The following RIC8B variants were observed in gnomAD, a reference collection of about 807,000 sequenced individuals.
RIC8B encodes RIC8 guanine nucleotide exchange factor B.
In RIC8B, 16 loss-of-function variants were observed where a neutral mutation model predicts 57.5. The observed-to-expected ratio is 0.28, with a 90% CI of 0.19 to 0.42. The LOEUF (loss-of-function observed/expected upper bound fraction) is 0.42. Among genes scored for constraint, RIC8B ranks in the 10% least tolerant of loss-of-function variants. The probability of loss-of-function intolerance (pLI) is 1.00; values close to 1 mark genes in which losing one functional copy is unlikely to be tolerated. For synonymous variants in RIC8B, 216 were observed against 250.8 expected (o/e 0.86, Z 1.31); for missense variants, 481 against 677.0 (o/e 0.71, Z 3.21).
intron 7 of RIC8B, among the ~76,000 whole-genome samples, chr12:106,859,046 G>A (rs1001477225): frequency 1.3e-5 from 2 of 151,654 alleles, no homozygotes; most frequent in Non-Finnish European, 2.9e-5. Context: ...TGTCTTTTTT[G>A]AGGTAAGTGA....
rs1949071997 is a variant in RIC8B at position 106,843,910 on chromosome 12, G to A, written c.1124G>A (p.Arg375Gln). ...CTCAGCTTATTAACCGAATGTTCCC[G>A]AGCCCATCGAAACATCCGAAAATTT... ...PVLSLLTECS[R>Q]AHRNIRKFLK... Residue 375 changes from arginine to glutamine, a missense_variant, in exon 6 of 10, where the codon CGA (arginine) becomes CAA (glutamine). By Grantham distance (43) the Arg-to-Gln change is conservative (BLOSUM62 1). Transcript: ENST00000392837. 6.2e-7 allele frequency: 1 copy of A among 1,613,500 alleles called. No homozygotes were observed. The highest frequency in any genetic ancestry group is 8.5e-7 in the Non-Finnish European group (1 of 1,179,868).
chr12:106,814,495 A>G (rs1276419794), intron 2 of RIC8B, among the ~76,000 whole-genome samples: 1 of 152,214 alleles, frequency 6.6e-6, no homozygotes, highest in Non-Finnish European at 1.5e-5. Flanking sequence ...TGGGAAGGGA[A>G]CAGCTATGAT....
chr12:106,807,899 A>C (rs2045118304), intron 2 of RIC8B, among the ~76,000 whole-genome samples: 1 of 152,184 alleles, frequency 6.6e-6, no homozygotes, highest in African/African-American at 2.4e-5. Context: ...CAGCCTGGCC[A>C]ACATGGTTAA....
intron 4 of RIC8B, among the ~76,000 whole-genome samples, chr12:106,838,807 A>G (rs2046733502): frequency 6.6e-6 from 1 of 151,572 alleles, no homozygotes; most frequent in African/African-American, 2.4e-5. Flanking sequence ...TCTAAAACCT[A>G]TTAAAAAACT....
intron 9 of RIC8B, among the ~76,000 whole-genome samples, chr12:106,885,380 G>A (rs1419492533): frequency 6.6e-6 from 1 of 152,044 alleles, no homozygotes; most frequent in African/African-American, 2.4e-5. Flanking sequence ...GAGAGAGTTG[G>A]GGAAGGCCAA....
intron 4 of RIC8B, among the ~76,000 whole-genome samples, chr12:106,841,503 T>G (rs1948946772): frequency 6.6e-6 from 1 of 152,180 alleles, no homozygotes; most frequent in Non-Finnish European, 1.5e-5. Flanking sequence ...GTCACTATAA[T>G]CTAAAGTAGA....
At chr12:106,858,703 T>G (rs73399331) in intron 7 of RIC8B, among the ~76,000 whole-genome samples, 16,787 of 152,020 alleles carry the variant, frequency 0.11, 1,073 homozygotes, top group Middle Eastern at 0.16. Flanking sequence ...AGATTGAAAA[T>G]GACTAGTTTC....
At chr12:106,859,574 T>G (rs562373786) in intron 7 of RIC8B, among the ~76,000 whole-genome samples, 1 of 152,066 alleles carries the variant, frequency 6.6e-6, no homozygotes, top group Admixed American at 6.5e-5. Flanking sequence ...GTGAGGTAGA[T>G]AGTTACTATT....
At chr12:106,828,942 G>A (rs1420322637) in intron 4 of RIC8B, among the ~76,000 whole-genome samples, 3 of 152,050 alleles carry the variant, frequency 2.0e-5, no homozygotes, top group African/African-American at 7.2e-5. Context: ...GCCTATAAAG[G>A]TGCTTTAGGA....
intron 1 of RIC8B, among the ~76,000 whole-genome samples, chr12:106,777,482 G>A (rs11113113): frequency 0.02 from 3,019 of 152,250 alleles, 98 homozygotes; most frequent in African/African-American, 0.068. Flanking sequence ...GGTGATTATA[G>A]GGCATTGAGG....
At chr12:106,818,107 G>C (rs1029872750) in intron 3 of RIC8B, among the ~76,000 whole-genome samples, 1 of 151,794 alleles carries the variant, frequency 6.6e-6, no homozygotes, top group Admixed American at 6.6e-5. Context: ...CAAGGAAAAA[G>C]GCATATAAGC....
chr12:106,805,565 C>T (rs1312074380), intron 2 of RIC8B, among the ~76,000 whole-genome samples: 1 of 152,156 alleles, frequency 6.6e-6, no homozygotes, highest in Non-Finnish European at 1.5e-5. Flanking sequence ...TTCAGACCTC[C>T]ATCATCCCTC....
In RIC8B at chr12:106,879,708, A is replaced by G. The variant is rs1950837955; in HGVS notation, c.1572-6196A>G. 1.9e-5 allele frequency: 19 copies of G among 985,424 alleles called. No homozygotes were observed. The highest frequency in any genetic ancestry group is 2.3e-5 in the Non-Finnish European group (19 of 829,928). The allele number at this position is 985,424 out of a possible 1,614,324, so 61.0% of individuals were successfully genotyped here. ...TTATCTGTGTCCTCTTGCCTGGCCA[A>G]GCCCTTGTAGATTATGGTTCCTTAT... On this transcript the variant is annotated intron_variant, in intron 9 of 9. Coordinates refer to ENST00000392837, the MANE Select transcript of RIC8B (RefSeq NM_001330145.2). This position sits in a 1 kb window ranked among gnomAD's most constrained non-coding sequence, Gnocchi z 4.9.
chr12:106,885,853 T>C, intron 9 of RIC8B, 51 bp from the exon 10 acceptor site: 1 of 1,190,248 alleles, frequency 8.4e-7, no homozygotes, highest in Non-Finnish European at 1.2e-6. Context: ...GGGGTGTGTG[T>C]GTGATGCTGG....
chr12:106,838,111 A>G (rs180863306), intron 4 of RIC8B, among the ~76,000 whole-genome samples: 40 of 152,342 alleles, frequency 2.6e-4, no homozygotes, highest in African/African-American at 8.9e-4. Context: ...TCATCAAAAC[A>G]GTTTTTGTAT....
At chr12:106,862,020 T>A (rs1244383070) in intron 8 of RIC8B, among the ~76,000 whole-genome samples, 24 of 152,088 alleles carry the variant, frequency 1.6e-4, no homozygotes, top group Admixed American at 1.6e-3. Context: ...GAAAATAGAA[T>A]TATGTTACAT....
intron 7 of RIC8B, 118 bp downstream of exon 7, chr12:106,851,712 C>G: frequency 1.2e-6 from 1 of 861,326 alleles, no homozygotes; most frequent in Non-Finnish European, 1.7e-6. Context: ...ACTGTCTGTT[C>G]TATTAGAGAG....
At chr12:106,779,335 GA>G (rs1310250266) in intron 1 of RIC8B, among the ~76,000 whole-genome samples, 3 of 151,708 alleles carry the variant, frequency 2.0e-5, no homozygotes, top group African/African-American at 7.3e-5. Context: ...AGGTTCAAGC[GA>G]TTCTCCTGCC....
At chr12:106,836,520 A>G (rs1162006163) in intron 4 of RIC8B, among the ~76,000 whole-genome samples, 1 of 152,096 alleles carries the variant, frequency 6.6e-6, no homozygotes, top group South Asian at 2.1e-4. Context: ...AGTTTATGGC[A>G]CCTCCAGCTT....
Sources: gnomAD v4.1 joint callset for allele counts (sites outside exome capture counted in the v4.1 genomes callset) on GRCh38, gnomAD v4.1.1 for gene constraint, Gnocchi (gnomAD v3.1) non-coding constraint, MANE v1.5 for transcripts, NCBI Gene and HGNC (gene_info 2026-07-23, HGNC 2026-07-21) for gene names.